The following SYNE1 variants were observed in gnomAD, a reference collection of about 807,000 sequenced individuals.
SYNE1 encodes nesprin-1.
Under a neutral mutation model 1,111.0 loss-of-function variants are expected in SYNE1, and 616 were observed. The observed-to-expected ratio is 0.55, with a 90% confidence interval of 0.52 to 0.59. The LOEUF is 0.59. SYNE1 is among the 20% of genes least tolerant of loss of function. The probability of loss-of-function intolerance (pLI) is 0.00; values close to 1 mark genes in which losing one functional copy is unlikely to be tolerated. For synonymous variants in SYNE1, 3,855 were observed against 3,825.8 expected, an observed-to-expected ratio of 1.01 and a Z score of -0.28; for missense variants, 10,006 against 10,417.0, an observed-to-expected ratio of 0.96 and a Z score of 1.72.
intron 3 of SYNE1, chr6:152,546,784 C>G (rs2099315626): frequency 6.6e-6 from 1 of 152,018 alleles, no homozygotes; most frequent in Non-Finnish European, 1.5e-5. Flanking sequence ...TACTATATCC[C>G]CTAATTTGTT....
chr6:152,175,998 T>G (rs1445162042), intron 130 of SYNE1, among the ~76,000 whole-genome samples: 1 of 149,708 alleles, frequency 6.7e-6, no homozygotes, highest in East Asian at 2.0e-4. Context: ...ACTAAAAATA[T>G]GGCAGAGATT....
intron 131 of SYNE1, among the ~76,000 whole-genome samples, chr6:152,158,668 A>T (rs867813169): frequency 1.3e-5 from 2 of 152,258 alleles, no homozygotes. Context: ...AATTAAACTT[A>T]GTATTTGCTT....
intron 34 of SYNE1, among the ~76,000 whole-genome samples, chr6:152,431,364 A>AGG: frequency 6.6e-6 from 1 of 152,204 alleles, no homozygotes; most frequent in East Asian, 1.9e-4. Context: ...CTGCTGATCC[A>AGG]GGGACCTCAT....
rs369909016 is a variant in SYNE1 at position 152,208,109 on chromosome 6, G to A, written c.22687C>T (p.Arg7563Cys). 4.3e-6 allele frequency: 7 copies of A among 1,614,052 alleles called. No individual in the cohort carries two copies. Among genetic ancestry groups the A allele is most frequent in the African/African-American group, 4.0e-5 (3 of 75,028 alleles). ...QRRGIIDSQI[R>C]QWQRYREMAE... ...ATCTCCCTATAGCGCTGCCACTGGCGAATCTGGCTGTCAATGATCCCCCGC... is the reference window on the plus strand; with the variant it reads ...ATCTCCCTATAGCGCTGCCACTGGCAAATCTGGCTGTCAATGATCCCCCGC... Residue 7563 changes from arginine (R) to cysteine (C), a missense_variant, in exon 125 of 146, where the codon CGC (arginine) becomes TGC (cysteine). Physicochemically the swap from Arg to Cys is radical, Grantham distance 180. Transcript: ENST00000367255.
At chr6:152,521,365 T>C (rs920651736) in intron 5 of SYNE1, among the ~76,000 whole-genome samples, 6 of 152,182 alleles carry the variant, frequency 3.9e-5, no homozygotes, top group African/African-American at 9.6e-5. Context: ...CTTGGACATG[T>C]ACCTGAGAGT....
rs1241457957 is a variant in SYNE1 at position 152,132,180 on chromosome 6, T to C, written c.26036A>G (p.Asp8679Gly). 11 of 1,614,082 alleles carry C rather than the reference T, an allele frequency of 6.8e-6. No homozygotes were observed. The highest frequency in any genetic ancestry group is 9.3e-6 in the Non-Finnish European group (11 of 1,179,994). The change falls in exon 144 of 146, where the codon GAC (aspartate) becomes GGC (glycine). Residue 8679 changes from aspartate to glycine, a missense_variant. Transcript: ENST00000367255. Reference protein sequence around the residue: ...LSSWSSADELDTSGSVSPTSG... With the variant: ...LSSWSSADELGTSGSVSPTSG... ...TGTGGGACTCACAGACCCTGAGGTG[T>C]CCAGTTCATCAGCAGAAGACCAGGA...
At chr6:152,515,813 G>GCCACA (rs2099108663) in intron 6 of SYNE1, among the ~76,000 whole-genome samples, 1 of 152,166 alleles carries the variant, frequency 6.6e-6, no homozygotes, top group African/African-American at 2.4e-5. Flanking sequence ...TGATGAATCT[G>GCCACA]TTCACCACAG....
intron 19 of SYNE1, 134 bp downstream of exon 19, chr6:152,463,219 C>T (rs1213715260): frequency 9.5e-6 from 12 of 1,262,146 alleles, no homozygotes; most frequent in Non-Finnish European, 1.4e-5. Context: ...AACCATAAAA[C>T]ACACCGGTTT....
chr6:152,216,332 A>G (rs531455593), intron 121 of SYNE1, among the ~76,000 whole-genome samples: 6 of 152,164 alleles, frequency 3.9e-5, no homozygotes, highest in Non-Finnish European at 7.4e-5. Flanking sequence ...GTAGTCCCCT[A>G]CTCACAGGAA....
At chr6:152,271,864 T>C (rs2093234891) in intron 98 of SYNE1, among the ~76,000 whole-genome samples, 1 of 152,196 alleles carries the variant, frequency 6.6e-6, no homozygotes, top group African/African-American at 2.4e-5. Flanking sequence ...TCCAGGCCAC[T>C]TCCTCTCTGC....
rs1458333734 is a variant in SYNE1, at chr6:152,181,406, C to T, written c.23302-1112G>A. Among the ~76,000 whole-genome samples the T allele has an allele frequency of 5.3e-5, 8 of 152,108 alleles. No homozygotes were observed. The South Asian group carries it at 1.3e-3, about 24-fold the overall frequency. On this transcript the variant is annotated intron_variant, in intron 128 of 145. Coordinates refer to ENST00000367255, the MANE Select transcript of SYNE1 (RefSeq NM_182961.4). Reference sequence around the variant, plus strand: ...CAGCCTGGGTGACAGAGCAAGACTCCACCTCAAACAACAATGACCACCACC... The same window carrying T: ...CAGCCTGGGTGACAGAGCAAGACTCTACCTCAAACAACAATGACCACCACC...
At chr6:152,377,621 A>T (rs1355929092) in intron 56 of SYNE1, among the ~76,000 whole-genome samples, 2 of 99,740 alleles carry the variant, frequency 2.0e-5, no homozygotes, top group East Asian at 6.6e-4. Flanking sequence ...AAAAAAAAAA[A>T]AAAAAAAAAA....
intron 3 of SYNE1, among the ~76,000 whole-genome samples, chr6:152,568,122 T>G (rs1234050284): frequency 6.6e-6 from 1 of 151,972 alleles, no homozygotes; most frequent in East Asian, 1.9e-4. Context: ...GTAAATATGC[T>G]TAATAATGAA....
intron 137 of SYNE1, chr6:152,145,872 A>G (rs1441731275): frequency 2.8e-6 from 1 of 357,306 alleles, no homozygotes; most frequent in Non-Finnish European, 5.5e-6. Context: ...TAAAAATACA[A>G]AAATTAGCCA....
rs886625643 is a variant in SYNE1, at chr6:152,187,728, T to A, written c.23301+1524A>T. Among the ~76,000 whole-genome samples, 27 of 150,990 alleles carry A rather than the reference T, an allele frequency of 1.8e-4. No individual in the cohort carries two copies. The East Asian group carries it at 2.3e-3, about 13-fold the overall frequency. ...TAAATCTTTATACAGTTTGTGTGTGTGAGAGAGAGAGAGAGAGATGGAGTT... is the reference window on the plus strand; with the variant it reads ...TAAATCTTTATACAGTTTGTGTGTGAGAGAGAGAGAGAGAGAGATGGAGTT... On this transcript the variant is annotated intron_variant, in intron 128 of 145. Transcript: ENST00000367255.
intron 3 of SYNE1, among the ~76,000 whole-genome samples, chr6:152,547,504 C>G (rs1219069289): frequency 6.6e-6 from 1 of 152,152 alleles, no homozygotes; most frequent in Non-Finnish European, 1.5e-5. Flanking sequence ...CAGTTGGCTT[C>G]TTTTAGCTGA....
At position 152,619,116 on chromosome 6, in the gene SYNE1, G is replaced by A. The variant is rs956459505; in HGVS notation, c.67+9149C>T. Among the ~76,000 whole-genome samples, 18 of 152,048 alleles carry A rather than the reference G, an allele frequency of 1.2e-4. 3 individuals are homozygous for A. Among genetic ancestry groups the A allele is most frequent in the Admixed American group, 8.5e-4 (13 of 15,270 alleles). ...AGCCCCAATCTGAAAGAATATAAAA[G>A]AGAATAATAATAACCTGGGATGTGA... On this transcript the variant is annotated intron_variant, in intron 3 of 145. Transcript: ENST00000367255.
At chr6:152,150,432 G>A (rs1425842444) in intron 135 of SYNE1, among the ~76,000 whole-genome samples, 1 of 152,226 alleles carries the variant, frequency 6.6e-6, no homozygotes, top group East Asian at 1.9e-4. Flanking sequence ...AACTTTCTGT[G>A]GAAGGATGTA....
chr6:152,410,331 G>A (rs1274749860), intron 42 of SYNE1: 1 of 151,962 alleles, frequency 6.6e-6, no homozygotes, highest in Non-Finnish European at 1.5e-5. Flanking sequence ...GTGAAGGTAA[G>A]CAGGGTCCAG....
Sources: allele counts gnomAD v4.1 joint callset (sites outside exome capture counted in the v4.1 genomes callset), GRCh38; gene constraint gnomAD v4.1.1; transcripts MANE v1.5; gene names NCBI Gene and HGNC (gene_info 2026-07-23, HGNC 2026-07-21).